Variants in CTNND2 observed in about 807,000 individuals in gnomAD.
CTNND2 encodes catenin delta-2.
CTNND2 carries 22 observed loss-of-function variants against 144.4 expected under a neutral mutation model. The observed-to-expected ratio is 0.15, with a 90% CI of 0.11 to 0.22. The LOEUF is 0.22. Among genes scored for constraint, CTNND2 ranks in the 10% least tolerant of loss-of-function variants. CTNND2 has a pLI of 1.00. For synonymous variants in CTNND2, 751 were observed against 695.6 expected (o/e 1.08, Z -1.25); for missense variants, 1,353 against 1,618.8 (o/e 0.84, Z 2.82).
intron 3 of CTNND2, among the ~76,000 whole-genome samples, chr5:11,461,138 A>G (rs553491589): frequency 1.9e-4 from 29 of 152,036 alleles, no homozygotes; most frequent in South Asian, 1.5e-3. Flanking sequence ...CACTAGATGT[A>G]ACCCTCATGA....
chr5:11,522,194 G>A (rs1325722038), intron 3 of CTNND2, among the ~76,000 whole-genome samples: 1 of 152,168 alleles, frequency 6.6e-6, no homozygotes, highest in Admixed American at 6.5e-5. Context: ...ATCTCTATGT[G>A]TTAGAAGAAA....
At chr5:11,243,682 GCTAT>G (rs1392394829) in intron 9 of CTNND2, among the ~76,000 whole-genome samples, 5 of 152,116 alleles carry the variant, frequency 3.3e-5, no homozygotes, top group East Asian at 1.9e-4. Context: ...TCTTACATGG[GCTAT>G]CTGAGTTGTT....
At chr5:11,535,772 C>T (rs1208640341) in intron 3 of CTNND2, among the ~76,000 whole-genome samples, 2 of 152,166 alleles carry the variant, frequency 1.3e-5, no homozygotes, top group South Asian at 2.1e-4. Flanking sequence ...TTATTCCCCC[C>T]GGTGTTACAA....
intron 3 of CTNND2, among the ~76,000 whole-genome samples, chr5:11,441,368 A>AT (rs774610481): frequency 0.053 from 5,227 of 98,736 alleles, 338 homozygotes; most frequent in African/African-American, 0.1. Context: ...CCAATGTGGG[A>AT]TTTTTTTTTT....
intron 3 of CTNND2, among the ~76,000 whole-genome samples, chr5:11,417,738 T>C (rs1248038951): frequency 5.9e-5 from 9 of 152,166 alleles, no homozygotes; most frequent in Non-Finnish European, 1.0e-4. Context: ...ACCTGTGGGA[T>C]AGTACCTGGT....
At chr5:11,209,936 A>T (rs1232237898) in intron 10 of CTNND2, among the ~76,000 whole-genome samples, 2 of 152,096 alleles carry the variant, frequency 1.3e-5, no homozygotes, top group Admixed American at 1.3e-4. Flanking sequence ...ACAACAACAA[A>T]AAAAGTGTAA....
intron 3 of CTNND2, among the ~76,000 whole-genome samples, chr5:11,440,876 T>C (rs1764199667): frequency 6.6e-6 from 1 of 152,218 alleles, no homozygotes; most frequent in Non-Finnish European, 1.5e-5. Flanking sequence ...ACTATACTTT[T>C]GCTTTTATAT....
intron 9 of CTNND2, among the ~76,000 whole-genome samples, chr5:11,330,538 A>G (rs1156233011): frequency 6.7e-6 from 1 of 148,602 alleles, no homozygotes; most frequent in Non-Finnish European, 1.5e-5. Flanking sequence ...TACAGAGTTC[A>G]GGCTGGGTGT....
chr5:11,899,268 T>C (rs1305122676), intron 1 of CTNND2, among the ~76,000 whole-genome samples: 1 of 152,214 alleles, frequency 6.6e-6, no homozygotes, highest in African/African-American at 2.4e-5. Flanking sequence ...AGAGTGATGC[T>C]TATTAAACTG....
intron 18 of CTNND2, 68 bp from the exon 19 acceptor site, chr5:10,992,745 A>C: frequency 6.4e-7 from 1 of 1,566,824 alleles, no homozygotes; most frequent in African/African-American, 1.4e-5. Context: ...GGACATTTTT[A>C]AGTTCCAAGT....
At chr5:11,828,775 G>C (rs781306598) in intron 1 of CTNND2, among the ~76,000 whole-genome samples, 1 of 152,278 alleles carries the variant, frequency 6.6e-6, no homozygotes, top group African/African-American at 2.4e-5. Flanking sequence ...GTGGGGTGCT[G>C]TGAAAATGTG....
intron 1 of CTNND2, among the ~76,000 whole-genome samples, chr5:11,773,044 T>A (rs1327872119): frequency 6.6e-6 from 1 of 152,204 alleles, no homozygotes; most frequent in Admixed American, 6.5e-5. Flanking sequence ...AATGTCGATA[T>A]CACAAAAGAA....
At chr5:11,756,898 G>T (rs1414089388) in intron 1 of CTNND2, among the ~76,000 whole-genome samples, 1 of 151,394 alleles carries the variant, frequency 6.6e-6, no homozygotes, top group Non-Finnish European at 1.5e-5. Context: ...TCACTTCTAA[G>T]TATTTTAAGA....
Position 10,977,408 on chromosome 5 carries a change from G to A in CTNND2, c.3418-3695C>T, listed in dbSNP as rs61752684. On this transcript the variant is annotated intron_variant, in intron 21 of 21. Transcript: ENST00000304623. Reference sequence around the variant, plus strand: ...ATATTTCTCTTTGTAATTATGGGGTGGACTGGTAGAAGCTCAAAAGGATGT... The same window carrying A: ...ATATTTCTCTTTGTAATTATGGGGTAGACTGGTAGAAGCTCAAAAGGATGT... Among the ~76,000 whole-genome samples, 739 of 152,136 alleles carry A rather than the reference G, an allele frequency of 4.9e-3. 8 individuals carry two copies. The highest frequency in any genetic ancestry group is 0.017 in the African/African-American group (700 of 41,518).
In CTNND2 at chr5:11,742,667, T is replaced by C. The variant is rs181089331; in HGVS notation, c.38-10395A>G. On this transcript the variant is annotated intron_variant, in intron 1 of 21. Transcript: ENST00000304623. Reference sequence around the variant, plus strand: ...ATATGGCATTAGAACATCCCAGGTATTGTTATTTAAATATATATGTAAATA... The same window carrying C: ...ATATGGCATTAGAACATCCCAGGTACTGTTATTTAAATATATATGTAAATA... 2.8e-4 allele frequency among the ~76,000 whole-genome samples: 43 copies of C among 152,332 alleles called. No homozygotes were observed. The East Asian group carries it at 7.3e-3, about 26-fold the overall frequency.
chr5:11,209,306 T>C (rs976626708), intron 10 of CTNND2, among the ~76,000 whole-genome samples: 1 of 152,214 alleles, frequency 6.6e-6, no homozygotes. Flanking sequence ...AAATGCTACA[T>C]AAAGCCTCAA....
chr5:11,304,822 T>C (rs998683315), intron 9 of CTNND2, among the ~76,000 whole-genome samples: 1 of 152,222 alleles, frequency 6.6e-6, no homozygotes, highest in Non-Finnish European at 1.5e-5. Context: ...GTTTTGTGCA[T>C]CCACCTGTTC....
At chr5:11,623,093 A>G (rs1780933309) in intron 2 of CTNND2, among the ~76,000 whole-genome samples, 1 of 152,208 alleles carries the variant, frequency 6.6e-6, no homozygotes, top group South Asian at 2.1e-4. Context: ...TCCAGCAGAA[A>G]TAGTCCTTCC....
At chr5:11,539,652 C>G (rs10072391) in intron 3 of CTNND2, among the ~76,000 whole-genome samples, 30 of 152,174 alleles carry the variant, frequency 2.0e-4, no homozygotes, top group Admixed American at 5.2e-4. Context: ...GAATTTGCAG[C>G]CTTTCTGCAG....
Sources: gnomAD v4.1 joint callset for allele counts (sites outside exome capture counted in the v4.1 genomes callset) on GRCh38, gnomAD v4.1.1 for gene constraint, MANE v1.5 for transcripts, NCBI Gene and HGNC (gene_info 2026-07-23, HGNC 2026-07-21) for gene names.